PPP1R9B: variants seen among roughly 807,000 people sequenced by gnomAD.
PPP1R9B encodes the protein neurabin-2.
In PPP1R9B, 17 loss-of-function variants were observed where a neutral mutation model predicts 75.8. The ratio of observed to expected loss-of-function variants is 0.22; its 90% CI spans 0.15 to 0.34. The LOEUF (loss-of-function observed/expected upper bound fraction) is 0.34, where lower values mean the gene tolerates loss of function less well. PPP1R9B is among the 10% of genes least tolerant of loss of function. The pLI is 1.00. For missense variants in PPP1R9B, 875 were observed against 1,196.0 expected (o/e 0.73, Z 3.96); for synonymous variants, 509 against 535.4 (o/e 0.95, Z 0.68).
At position 50,135,357 on chromosome 17, in the gene PPP1R9B, T is replaced by A. The variant is rs745776585; in HGVS notation, c.2428A>T (p.Thr810Ser). 23 of 1,613,502 alleles carry A rather than the reference T, an allele frequency of 1.4e-5. No homozygotes were observed. Among genetic ancestry groups the A allele is most frequent in the Non-Finnish European group, 1.8e-5 (21 of 1,179,704 alleles). Reference sequence around the variant, plus strand: ...TAAGTAGAATTGGAATTCCTCAGTGTTTGCAAGTTTCCTTCCAGTTCTGAG... The same window carrying A: ...TAAGTAGAATTGGAATTCCTCAGTGATTGCAAGTTTCCTTCCAGTTCTGAG... ...KISELEGNLQTLRNSNST is the reference protein window; with the variant it reads ...KISELEGNLQSLRNSNST Residue 810 changes from threonine to serine, a missense_variant, in exon 10 of 10, where the codon ACA becomes TCA. Physicochemically the swap from Thr to Ser is moderately conservative, Grantham distance 58 (BLOSUM62 1). This residue lies in a region of PPP1R9B where 218 missense variants were observed against 334.6 expected (regional missense o/e 0.65). Transcript: ENST00000612501.
rs1912673054 is a variant in PPP1R9B at position 50,150,612 on chromosome 17, G to T, written c.-99C>A. 1 of 1,181,894 alleles carries T rather than the reference G, an allele frequency of 8.5e-7. No individual in the cohort carries two copies. Among genetic ancestry groups the T allele is most frequent in the Admixed American group, 5.0e-5 (1 of 19,984 alleles). 73.2% of individuals were successfully genotyped at this position (1,181,894 alleles called of 1,614,324 possible). On this transcript the variant is annotated 5_prime_UTR_variant, in exon 1 of 10. Transcript: ENST00000612501. The surrounding 1 kb of genome is among the most constrained non-coding windows in gnomAD (Gnocchi z 8.7). ...CCACCGCCCCCTCCCCCCGATAAAA[G>T]AAACCCCGAAGGCCTTTTTTAGGGT...
intron 1 of PPP1R9B, among the ~76,000 whole-genome samples, chr17:50,145,820 C>T (rs1216398659): frequency 6.6e-6 from 1 of 152,028 alleles, no homozygotes; most frequent in African/African-American, 2.4e-5. Context: ...CTCTGACTTG[C>T]CGCTCAAGTG....
At position 50,133,872 on chromosome 17, in the gene PPP1R9B, A is replaced by G. The variant is rs1187064892; in HGVS notation, c.*1459T>C. 3 of 152,566 alleles carry G rather than the reference A, an allele frequency of 2.0e-5. No individual in the cohort carries two copies. Among genetic ancestry groups the G allele is most frequent in the Admixed American group, 1.3e-4 (2 of 15,286 alleles). The allele number at this position is 152,566 out of a possible 1,614,324, so 9.5% of individuals were successfully genotyped here. A position where few individuals can be genotyped will look rare whatever the true frequency, so the allele number is the denominator to read the frequency against. On this transcript the variant is annotated 3_prime_UTR_variant, in exon 10 of 10. Transcript: ENST00000612501. ...CTGGGCAGGGGTGGCCGCTGGCCCA[A>G]GCAGCCCGAAGCGGCCCCGCCCACC...
chr17:50,143,752 T>TGATG, intron 2 of PPP1R9B, 34 bp from the exon 3 acceptor site: 1 of 1,612,996 alleles, frequency 6.2e-7, no homozygotes, highest in Non-Finnish European at 8.5e-7. Context: ...TGGCAGGGCT[T>TGATG]GTAGGGGACA....
chr17:50,135,509 T>C lies in PPP1R9B; in HGVS notation c.2400+44A>G, dbSNP rs373551733. 5.6e-5 allele frequency: 89 copies of C among 1,591,270 alleles called. No homozygotes were observed. The African/African-American group carries it at 1.0e-3, about 18-fold the overall frequency. ...ACCCACAGGGTAGGGGCTTCAATGC[T>C]GCTCCCTCCACTGGGCCCTGCCCAC... is the stretch of plus-strand genomic sequence containing the variant. On this transcript the variant is annotated intron_variant, in intron 9 of 9. Transcript: ENST00000612501.
chr17:50,134,049 A>C lies in PPP1R9B; in HGVS notation c.*1282T>G, dbSNP rs181232741. ...TCATGGTCTATTTACAGGGGACAAG[A>C]AGCCAAAACGGATGGGATGGGTGGT... On this transcript the variant is annotated 3_prime_UTR_variant, in exon 10 of 10. Transcript: ENST00000612501. The C allele has an allele frequency of 4.6e-5, 7 of 152,826 alleles. No homozygotes were observed. The highest frequency in any genetic ancestry group is 4.6e-4 in the Admixed American group (7 of 15,310). 9.5% of individuals were successfully genotyped at this position (152,826 alleles called of 1,614,324 possible). A position where few individuals can be genotyped will look rare whatever the true frequency, so the allele number is the denominator to read the frequency against.
intron 1 of PPP1R9B, 141 bp from the exon 2 acceptor site, chr17:50,145,386 T>G (rs1159367225): frequency 9.2e-7 from 1 of 1,081,256 alleles, no homozygotes; most frequent in African/African-American, 1.5e-5. Flanking sequence ...CCCAGTCCCC[T>G]GAGACCCCAG....
At chr17:50,143,754 T>C (rs1912446751) in intron 2 of PPP1R9B, 36 bp from the exon 3 acceptor site, 3 of 1,612,772 alleles carry the variant, frequency 1.9e-6, no homozygotes, top group East Asian at 2.2e-5. Context: ...GCAGGGCTTG[T>C]AGGGGACAGA....
rs1480198791 is a variant in PPP1R9B at position 50,149,740 on chromosome 17, C to A, written c.774G>T (p.Pro258=). 4 of 1,358,376 alleles carry A rather than the reference C, an allele frequency of 2.9e-6. No homozygotes were observed. Among genetic ancestry groups the A allele is most frequent in the South Asian group, 3.5e-5 (2 of 56,504 alleles). The allele number at this position is 1,358,376 out of a possible 1,614,324, so 84.1% of individuals were successfully genotyped here. ...CCGGGGCATCCCCCGACGGGGCGGG[C>A]GGCGGCGGCGGCGGGGGCTGGAACA... ...SRVFQPPPPP[P]PAPSGDAPAE... is the part of the protein sequence containing the mutation. The change falls in exon 1 of 10, where the codon CCG becomes CCT. Residue 258 remains proline (P), a synonymous_variant. Coordinates refer to ENST00000612501, the MANE Select transcript of PPP1R9B (RefSeq NM_032595.5). The surrounding 1 kb of genome is among the most constrained non-coding windows in gnomAD (Gnocchi z 7.2).
At chr17:50,144,412 T>C (rs1054512921) in intron 2 of PPP1R9B, among the ~76,000 whole-genome samples, 2 of 152,156 alleles carry the variant, frequency 1.3e-5, no homozygotes, top group Non-Finnish European at 2.9e-5. Flanking sequence ...CACAGTGGCC[T>C]TTCTCCATCC....
At chr17:50,145,041 G>C in intron 2 of PPP1R9B, 72 bp downstream of exon 2, 1 of 1,559,494 alleles carries the variant, frequency 6.4e-7, no homozygotes, top group Non-Finnish European at 8.7e-7. Context: ...CACAGGGCAG[G>C]AGCTGGTGCC....
At chr17:50,140,319 C>A (rs1912341820) in intron 4 of PPP1R9B, 91 bp from the exon 5 acceptor site, 8 of 1,483,294 alleles carry the variant, frequency 5.4e-6, no homozygotes, top group Non-Finnish European at 7.2e-6. Context: ...CAAACTCAGG[C>A]CCTCCCAGGG....
rs765213445 is a variant in PPP1R9B at position 50,149,458 on chromosome 17, C to T, written c.1056G>A (p.Pro352=). Residue 352 remains proline (P), a synonymous_variant, in exon 1 of 10, where the codon CCG becomes CCA. Coordinates refer to ENST00000612501, the MANE Select transcript of PPP1R9B (RefSeq NM_032595.5). The surrounding 1 kb of genome is among the most constrained non-coding windows in gnomAD (Gnocchi z 7.2). ...GCGCTACCGCCGCCGCCTCCTTCTC[C>T]GGGGCCGCTTGGGCCTTTGGCTCCT... ...APEEPKAQAA[P]EKEAAAVAPP... 1.2e-5 allele frequency: 20 copies of T among 1,606,422 alleles called. No homozygotes were observed. Among genetic ancestry groups the T allele is most frequent in the Non-Finnish European group, 1.6e-5 (19 of 1,177,428 alleles).
intron 1 of PPP1R9B, among the ~76,000 whole-genome samples, chr17:50,146,363 G>A (rs1348536241): frequency 1.3e-5 from 2 of 152,122 alleles, no homozygotes; most frequent in Non-Finnish European, 2.9e-5. Flanking sequence ...GGGGCGGGGA[G>A]GGATGGGGAA....
Position 50,141,423 on chromosome 17 carries a change from G to A in PPP1R9B, c.1626-50C>T, listed in dbSNP as rs1265557282. On this transcript the variant is annotated intron_variant, in intron 3 of 9. Coordinates refer to ENST00000612501, the MANE Select transcript of PPP1R9B (RefSeq NM_032595.5). ...GGTCACAGGGGAACCGAGGAGCGAG[G>A]GTAGAGGTAGCCTCCTCCCATCAGA... 4 of 1,286,064 alleles carry A rather than the reference G, an allele frequency of 3.1e-6. No individual in the cohort carries two copies. The East Asian group carries it at 1.0e-4, about 33-fold the overall frequency. The allele number at this position is 1,286,064 out of a possible 1,614,324, so 79.7% of individuals were successfully genotyped here. A position where few individuals can be genotyped will look rare whatever the true frequency, so the allele number is the denominator to read the frequency against.
At chr17:50,140,406 T>G in intron 4 of PPP1R9B, 178 bp from the exon 5 acceptor site, 2 of 849,902 alleles carry the variant, frequency 2.4e-6, no homozygotes, top group Non-Finnish European at 3.5e-6. Flanking sequence ...TTATCAGGTT[T>G]CCTTCCCAAG....
intron 8 of PPP1R9B, 151 bp downstream of exon 8, chr17:50,135,817 C>A: frequency 1.2e-6 from 1 of 862,596 alleles, no homozygotes; most frequent in Non-Finnish European, 1.8e-6. Context: ...TGTGCTGGCT[C>A]TGATGCCTGG....
intron 1 of PPP1R9B, 98 bp from the exon 2 acceptor site, chr17:50,145,343 G>T: frequency 6.8e-7 from 1 of 1,476,066 alleles, no homozygotes; most frequent in Admixed American, 1.7e-5. Flanking sequence ...CCCACCCCAT[G>T]CCTCCCCATG....
In PPP1R9B at chr17:50,135,371, T is replaced by C. The variant is rs2144437947; in HGVS notation, c.2414A>G (p.Glu805Gly). 6.2e-7 allele frequency: 1 copy of C among 1,613,680 alleles called. No individual in the cohort carries two copies. Among genetic ancestry groups the C allele is most frequent in the Non-Finnish European group, 8.5e-7 (1 of 1,179,730 alleles). ...DKLLDKISEL[E>G]GNLQTLRNSN... ...ATTCCTCAGTGTTTGCAAGTTTCCT[T>C]CCAGTTCTGAGATCTGGAAAACAAA... The change falls in exon 10 of 10, where the codon GAA becomes GGA. Residue 805 changes from glutamate to glycine, a missense_variant. Physicochemically the swap from Glu to Gly is moderately conservative, Grantham distance 98. This residue lies in a region of PPP1R9B where 218 missense variants were observed against 334.6 expected (regional missense o/e 0.65). Coordinates refer to ENST00000612501, the MANE Select transcript of PPP1R9B (RefSeq NM_032595.5).
Sources: allele counts gnomAD v4.1 joint callset (sites outside exome capture counted in the v4.1 genomes callset), GRCh38; gene constraint gnomAD v4.1.1; regional missense constraint gnomAD v4.1.1; non-coding constraint Gnocchi (gnomAD v3.1); transcripts MANE v1.5; gene names NCBI Gene and HGNC (gene_info 2026-07-23, HGNC 2026-07-21).